KMT2A: variants seen among roughly 807,000 people sequenced by gnomAD.
KMT2A encodes histone-lysine N-methyltransferase 2A.
KMT2A carries 16 observed loss-of-function variants against 345.3 expected under a neutral mutation model. The observed-to-expected ratio is 0.05, with a 90% CI of 0.03 to 0.07. The LOEUF (loss-of-function observed/expected upper bound fraction) is 0.07, where lower values mean the gene tolerates loss of function less well. Among genes scored for constraint, KMT2A ranks in the 10% least tolerant of loss-of-function variants. The pLI, the probability that KMT2A is intolerant of heterozygous loss-of-function variation, is 1.00. For missense variants in KMT2A, 3,272 were observed against 4,841.6 expected (o/e 0.68, Z 9.62); for synonymous variants, 1,599 against 1,778.6 (o/e 0.90, Z 2.54).
Position 118,482,395 on chromosome 11 carries a change from G to T in KMT2A, c.4013-27G>T. 5 of 1,569,524 alleles carry T rather than the reference G, an allele frequency of 3.2e-6. No individual in the cohort carries two copies. The South Asian group carries it at 5.6e-5, about 18-fold the overall frequency. On this transcript the variant is annotated intron_variant, in intron 7 of 35. Transcript: ENST00000534358. ...ACTAAAGTAGTCGTTGCCAGCATCT[G>T]ACTGCAATTTATTCTGAATTTTTTA...
intron 28 of KMT2A, chr11:118,507,879 C>T (rs782637744): frequency 6.6e-5 from 22 of 332,374 alleles, no homozygotes; most frequent in Non-Finnish European, 9.9e-5. Flanking sequence ...AGGAGAAGGG[C>T]GTGAACCCAG....
At chr11:118,517,419 A>G (rs1439947503) in intron 31 of KMT2A, among the ~76,000 whole-genome samples, 2 of 150,188 alleles carry the variant, frequency 1.3e-5, no homozygotes, top group African/African-American at 4.9e-5. Flanking sequence ...AAAAGAAAAG[A>G]AAAGAAAAAA....
chr11:118,501,399 G>T (rs2134380052), intron 25 of KMT2A, among the ~76,000 whole-genome samples: 1 of 152,140 alleles, frequency 6.6e-6, no homozygotes, highest in South Asian at 2.1e-4. Context: ...AACCAGGGAG[G>T]CAGATGTTGC....
At chr11:118,507,931 C>G (rs1950616737) in intron 28 of KMT2A, among the ~76,000 whole-genome samples, 1 of 152,278 alleles carries the variant, frequency 6.6e-6, no homozygotes, top group South Asian at 2.1e-4. Flanking sequence ...CCACTGCACT[C>G]CAGCCTGGGC....
At chr11:118,488,788 C>T in intron 11 of KMT2A, 28 bp downstream of exon 11, 1 of 1,609,436 alleles carries the variant, frequency 6.2e-7, no homozygotes, top group Non-Finnish European at 8.5e-7. Context: ...AGAACTACAG[C>T]TGGGCCTCTG....
chr11:118,471,681 A>G lies in KMT2A; in HGVS notation c.522A>G (p.Lys174=), dbSNP rs1949944639. 38 of 1,585,110 alleles carry G rather than the reference A, an allele frequency of 2.4e-5. No individual in the cohort carries two copies. Among genetic ancestry groups the G allele is most frequent in the Non-Finnish European group, 3.1e-5 (36 of 1,172,028 alleles). The part of the protein sequence containing the change: ...RSPSVKTSPR[K]PRGRPRSGSD... ...ACACAGTTAAAACTAGTCCTCGAAA[A>G]CCTCGTGGGAGACCTAGAAGTGGCT... Residue 174 remains lysine, a synonymous_variant, in exon 3 of 36, where the codon AAA becomes AAG. Coordinates refer to ENST00000534358, the MANE Select transcript of KMT2A (RefSeq NM_001197104.2).
chr11:118,511,715 C>A (rs930552582), intron 30 of KMT2A, among the ~76,000 whole-genome samples: 2 of 152,170 alleles, frequency 1.3e-5, no homozygotes, highest in East Asian at 3.9e-4. Flanking sequence ...GTCTGACTTT[C>A]CTTAGTGCTT....
In KMT2A at chr11:118,501,920, T is replaced by C. The variant is rs1298458552; in HGVS notation, c.6505+63T>C. On this transcript the variant is annotated intron_variant, in intron 26 of 35. Transcript: ENST00000534358. ...CAGCCCAAAGACTAATTTGTAATTC[T>C]TTCAGGCAACTTTATCTTGGTGACT... The C allele has an allele frequency of 7.4e-6, 10 of 1,358,912 alleles. No homozygotes were observed. In the East Asian group the frequency reaches 1.6e-4, roughly 22 times the overall value. The allele number at this position is 1,358,912 out of a possible 1,614,324, so 84.2% of individuals were successfully genotyped here. A position where few individuals can be genotyped will look rare whatever the true frequency, so the allele number is the denominator to read the frequency against.
Position 118,493,063 on chromosome 11 carries a change from A to T in KMT2A, c.5011A>T (p.Lys1671Ter). Residue 1671 changes from lysine (K) to a stop codon, truncating the protein, a stop_gained, in exon 16 of 36, where the codon AAG becomes TAG. Transcript: ENST00000534358. LOFTEE classifies it high-confidence loss of function. The surrounding 1 kb of genome is among the most constrained non-coding windows in gnomAD (Gnocchi z 5.8). The stretch of plus-strand genomic sequence containing the variant: ...ATATCTTTCCTGGCAATAGGCTGCC[A>T]AGCCTCCAGACTTAAATCCCGAGAC... ...SHLLRYRQAA[K>*]PPDLNPETEE... 1 of 1,612,878 alleles carries T rather than the reference A, an allele frequency of 6.2e-7. No individual in the cohort carries two copies.
At chr11:118,509,739 G>A (rs1201354454) in intron 29 of KMT2A, among the ~76,000 whole-genome samples, 1 of 151,988 alleles carries the variant, frequency 6.6e-6, no homozygotes, top group Non-Finnish European at 1.5e-5. Flanking sequence ...ATAACTTCAT[G>A]TAAAAAAAAA....
At chr11:118,474,533 A>T (rs1949999058) in intron 3 of KMT2A, among the ~76,000 whole-genome samples, 1 of 152,214 alleles carries the variant, frequency 6.6e-6, no homozygotes, top group Admixed American at 6.5e-5. Flanking sequence ...CAGTGTGGGT[A>T]GAAATGGAAA....
At chr11:118,489,344 G>A (rs1337300512) in intron 11 of KMT2A, among the ~76,000 whole-genome samples, 1 of 152,098 alleles carries the variant, frequency 6.6e-6, no homozygotes, top group Non-Finnish European at 1.5e-5. Flanking sequence ...ATCCTCTGGG[G>A]GTCCTGGAAC....
At chr11:118,516,271 A>T (rs557891829) in intron 31 of KMT2A, among the ~76,000 whole-genome samples, 1 of 152,320 alleles carries the variant, frequency 6.6e-6, no homozygotes, top group East Asian at 1.9e-4. Flanking sequence ...GAAATCTGGA[A>T]TCTCTTGATG....
chr11:118,441,187 TG>T (rs1375965075), intron 1 of KMT2A, among the ~76,000 whole-genome samples: 3 of 152,018 alleles, frequency 2.0e-5, no homozygotes, highest in African/African-American at 7.3e-5. Context: ...GTTTTTTTTT[TG>T]AGTCAGGGTC....
At chr11:118,515,253 T>G (rs1176273325) in intron 31 of KMT2A, among the ~76,000 whole-genome samples, 1 of 152,240 alleles carries the variant, frequency 6.6e-6, no homozygotes, top group Admixed American at 6.5e-5. Flanking sequence ...CCATCTACTC[T>G]CTTCCCTCCA....
At position 118,490,427 on chromosome 11, in the gene KMT2A, T is replaced by C. The variant is rs575386760; in HGVS notation, c.4696+178T>C. Among the ~76,000 whole-genome samples, 17 of 152,320 alleles carry C rather than the reference T, an allele frequency of 1.1e-4. No homozygotes were observed. Among genetic ancestry groups the C allele is most frequent in the African/African-American group, 3.4e-4 (14 of 41,570 alleles). Reference sequence around the variant, plus strand: ...CAACTAGAAATGTCTTGTTAGTTTATACGGGAAGTGTTAAGGGGACTTTTC... The same window carrying C: ...CAACTAGAAATGTCTTGTTAGTTTACACGGGAAGTGTTAAGGGGACTTTTC... On this transcript the variant is annotated intron_variant, in intron 13 of 35. Transcript: ENST00000534358. The surrounding 1 kb of genome is among the most constrained non-coding windows in gnomAD (Gnocchi z 4.2).
Position 118,482,095 on chromosome 11 carries a change from G to A in KMT2A, c.4012+3G>A. 6.3e-7 allele frequency: 1 copy of A among 1,595,962 alleles called. No individual in the cohort carries two copies. Among genetic ancestry groups the A allele is most frequent in the Non-Finnish European group, 8.5e-7 (1 of 1,173,624 alleles). Reference sequence around the variant, plus strand: ...GCAGCCTCCACCACCAGAATCAGGTGAGTGAGGAGGGCAAGAAGGAATTGC... The same window carrying A: ...GCAGCCTCCACCACCAGAATCAGGTAAGTGAGGAGGGCAAGAAGGAATTGC... On this transcript the variant is annotated splice_donor_region_variant and intron_variant, in intron 7 of 35. Transcript: ENST00000534358.
chr11:118,467,019 TAAAA>T (rs202054321), intron 1 of KMT2A, among the ~76,000 whole-genome samples: 3 of 149,532 alleles, frequency 2.0e-5, no homozygotes, highest in East Asian at 3.9e-4. Context: ...AATATGTAAT[TAAAA>T]AAAAAATTAC....
Position 118,505,569 on chromosome 11 carries a change from T to A in KMT2A, c.9677T>A (p.Ile3226Lys), listed in dbSNP as rs1417573128. The A allele has an allele frequency of 6.2e-7, 1 of 1,614,126 alleles. No homozygotes were observed. Among genetic ancestry groups the A allele is most frequent in the East Asian group, 2.2e-5 (1 of 44,882 alleles). ...TPSSGLKKRPISRLQTRKNKK... is the reference protein window; with the variant it reads ...TPSSGLKKRPKSRLQTRKNKK... Reference sequence around the variant, plus strand: ...TCCTCTGGACTCAAGAAAAGACCCATATCTCGTCTACAGACCCGAAAGAAT... The same window carrying A: ...TCCTCTGGACTCAAGAAAAGACCCAAATCTCGTCTACAGACCCGAAAGAAT... The change falls in exon 27 of 36, where the codon ATA (isoleucine) becomes AAA (lysine). Residue 3226 changes from isoleucine (I) to lysine (K), a missense_variant. Around this residue, in one of 27 missense-constraint regions of KMT2A, gnomAD observed 748 missense variants for 922.2 expected, o/e 0.81. Coordinates refer to ENST00000534358, the MANE Select transcript of KMT2A (RefSeq NM_001197104.2). This position sits in a 1 kb window ranked among gnomAD's most constrained non-coding sequence, Gnocchi z 4.6.
Sources: gnomAD v4.1 joint callset for allele counts (sites outside exome capture counted in the v4.1 genomes callset) on GRCh38, gnomAD v4.1.1 for gene constraint, gnomAD v4.1.1 regional missense constraint, Gnocchi (gnomAD v3.1) non-coding constraint, MANE v1.5 for transcripts, NCBI Gene and HGNC (gene_info 2026-07-23, HGNC 2026-07-21) for gene names.